Variants in SEC23B observed in about 807,000 individuals in gnomAD.
SEC23B encodes SEC23 homolog B, COPII component, also known as protein transport protein Sec23B.
A neutral mutation model predicts 104.3 loss-of-function variants in SEC23B; 77 were observed. The observed-to-expected ratio is 0.74, with a 90% CI of 0.61 to 0.89. The LOEUF (loss-of-function observed/expected upper bound fraction) is 0.89. Ranked by LOEUF, SEC23B falls within the 40% of genes least tolerant of loss-of-function variation. SEC23B has a pLI of 0.00. For missense variants in SEC23B, 885 were observed against 949.4 expected, an observed-to-expected ratio of 0.93 and a Z score of 0.89; for synonymous variants, 338 against 332.5, an observed-to-expected ratio of 1.02 and a Z score of -0.18.
At position 18,548,613 on chromosome 20, in the gene SEC23B, T is replaced by C. The variant is rs772839557; in HGVS notation, c.1748T>C (p.Met583Thr). The C allele has an allele frequency of 1.2e-6, 2 of 1,613,996 alleles. No individual in the cohort carries two copies. Among genetic ancestry groups the C allele is most frequent in the South Asian group, 2.2e-5 (2 of 91,076 alleles). ...TTCCGTTCTTTGTGAATGCAGTTTA[T>C]GTTCCATCTGAGAAGATCTCCATTT... Reference protein sequence around the residue: ...SDSFSLYPQFMFHLRRSPFLQ... With the variant: ...SDSFSLYPQFTFHLRRSPFLQ... The change falls in exon 16 of 20, where the codon ATG becomes ACG. Residue 583 changes from methionine (M) to threonine (T), a missense_variant. By Grantham distance (81) the Met-to-Thr change is moderately conservative (BLOSUM62 -1). Transcript: ENST00000650089.
chr20:18,552,090 G>A (rs2060391936), intron 17 of SEC23B, among the ~76,000 whole-genome samples: 1 of 152,102 alleles, frequency 6.6e-6, no homozygotes, highest in Non-Finnish European at 1.5e-5. Flanking sequence ...TGAAGATGAT[G>A]GTGATATTTA....
chr20:18,559,477 G>T (rs1489970825), intron 19 of SEC23B, among the ~76,000 whole-genome samples: 1 of 152,192 alleles, frequency 6.6e-6, no homozygotes, highest in African/African-American at 2.4e-5. Flanking sequence ...CCATCTTGGT[G>T]GGAGTATTAG....
chr20:18,549,701 T>C (rs895034770), intron 16 of SEC23B, among the ~76,000 whole-genome samples: 1 of 152,208 alleles, frequency 6.6e-6, no homozygotes, highest in Non-Finnish European at 1.5e-5. Flanking sequence ...TTAAAAATTT[T>C]CTTTATCGAG....
At chr20:18,523,119 G>A (rs150620886) in intron 4 of SEC23B, among the ~76,000 whole-genome samples, 3 of 151,846 alleles carry the variant, frequency 2.0e-5, no homozygotes, top group African/African-American at 7.2e-5. Flanking sequence ...AAACCCCACT[G>A]GAGAAAGTGG....
rs755605462 is a variant in SEC23B, at chr20:18,524,687, A to G, written c.603+18A>G. 9 of 1,594,712 alleles carry G rather than the reference A, an allele frequency of 5.6e-6. No individual in the cohort carries two copies. The South Asian group carries it at 9.9e-5, about 18-fold the overall frequency. Reference sequence around the variant, plus strand: ...AAATACAGGTTTGTACCTTACTTGTACAGGAGCAGAAACAAGGACTTTTTT... The same window carrying G: ...AAATACAGGTTTGTACCTTACTTGTGCAGGAGCAGAAACAAGGACTTTTTT... On this transcript the variant is annotated intron_variant, in intron 5 of 19. Coordinates refer to ENST00000650089, the MANE Select transcript of SEC23B (RefSeq NM_006363.6).
At chr20:18,522,776 G>T (rs143109237) in intron 4 of SEC23B, among the ~76,000 whole-genome samples, 2 of 152,110 alleles carry the variant, frequency 1.3e-5, no homozygotes, top group Non-Finnish European at 2.9e-5. Flanking sequence ...AAAACAAATC[G>T]GCCGGGCGTG....
At chr20:18,533,879 T>TGCTGATTTAAAA (rs1474949847) in intron 11 of SEC23B, among the ~76,000 whole-genome samples, 1 of 152,246 alleles carries the variant, frequency 6.6e-6, no homozygotes, top group Non-Finnish European at 1.5e-5. Flanking sequence ...ACTTAAAATC[T>TGCTGATTTAAAA]GCCTGCTGAA....
At chr20:18,559,080 T>A (rs6081212) in intron 19 of SEC23B, among the ~76,000 whole-genome samples, 2 of 121,334 alleles carry the variant, frequency 1.6e-5, no homozygotes, top group African/African-American at 3.2e-5. Context: ...AGGTGGTTGG[T>A]GGGGGGGGTG....
chr20:18,523,889 T>A (rs925275204), intron 4 of SEC23B, among the ~76,000 whole-genome samples: 4 of 151,894 alleles, frequency 2.6e-5, no homozygotes, highest in South Asian at 2.1e-4. Flanking sequence ...ATTTTTATAT[T>A]TTTTTTTGTT....
chr20:18,543,559 G>C (rs1257545841), intron 14 of SEC23B, among the ~76,000 whole-genome samples: 1 of 152,210 alleles, frequency 6.6e-6, no homozygotes, highest in African/African-American at 2.4e-5. Flanking sequence ...TTAATGAGAT[G>C]AGAGAAGTCA....
rs777858803 is a variant in SEC23B at position 18,511,059 on chromosome 20, A to G, written c.221+3A>G. ...AAAGCTGTTCTCAACCCACTTTGGTATGGATTCTTTTGAAACTGGTAAAAA... is the reference window on the plus strand; with the variant it reads ...AAAGCTGTTCTCAACCCACTTTGGTGTGGATTCTTTTGAAACTGGTAAAAA... On this transcript the variant is annotated splice_donor_region_variant and intron_variant, in intron 2 of 19. Coordinates refer to ENST00000650089, the MANE Select transcript of SEC23B (RefSeq NM_006363.6). 8.7e-6 allele frequency: 14 copies of G among 1,600,956 alleles called. No individual in the cohort carries two copies. The highest frequency in any genetic ancestry group is 3.3e-5 in the Admixed American group (2 of 59,972).
chr20:18,541,237 G>A (rs2060285274), intron 12 of SEC23B, among the ~76,000 whole-genome samples: 1 of 152,204 alleles, frequency 6.6e-6, no homozygotes, highest in Admixed American at 6.5e-5. Flanking sequence ...TTAGGCCCTG[G>A]CTTAAGGGAA....
At chr20:18,556,214 G>C (rs1305411788) in intron 19 of SEC23B, among the ~76,000 whole-genome samples, 3 of 152,118 alleles carry the variant, frequency 2.0e-5, no homozygotes, top group Non-Finnish European at 2.9e-5. Context: ...GTGTGGCCTG[G>C]TTCCTAACAG....
chr20:18,541,334 G>T (rs1001985741), intron 12 of SEC23B, among the ~76,000 whole-genome samples: 1 of 152,188 alleles, frequency 6.6e-6, no homozygotes, highest in African/African-American at 2.4e-5. Context: ...TATCATTCAC[G>T]TGTTCACTTT....
chr20:18,509,028 C>G (rs2148882580), intron 1 of SEC23B, among the ~76,000 whole-genome samples: 1 of 152,242 alleles, frequency 6.6e-6, no homozygotes, highest in Non-Finnish European at 1.5e-5. Context: ...GCCGCCAGTG[C>G]CTTTTAATAA....
intron 9 of SEC23B, among the ~76,000 whole-genome samples, chr20:18,529,476 A>G (rs2060163883): frequency 6.6e-6 from 1 of 152,202 alleles, no homozygotes; most frequent in African/African-American, 2.4e-5. Flanking sequence ...GAAAACCCAC[A>G]ATAAGTTTAT....
intron 19 of SEC23B, 105 bp downstream of exon 19, chr20:18,555,278 C>T: frequency 1.1e-6 from 1 of 931,302 alleles, no homozygotes; most frequent in Non-Finnish European, 1.7e-6. Flanking sequence ...GACAGAATAA[C>T]TGCGTAAGTT....
rs76576093 is a variant in SEC23B at position 18,547,910 on chromosome 20, G to A, written c.1744-699G>A. On this transcript the variant is annotated intron_variant, in intron 15 of 19. Coordinates refer to ENST00000650089, the MANE Select transcript of SEC23B (RefSeq NM_006363.6). ...CTGTGGAAGCTTTGACATACCCAGA[G>A]GCCCTTTTCTTAAAAAAATTTTGTA... Among the ~76,000 whole-genome samples the A allele has an allele frequency of 8.1e-3, 435 of 53,760 alleles. 15 individuals carry two copies. In the East Asian group the frequency reaches 0.11, roughly 13 times the overall value. The allele number at this position is 53,760 out of a possible 152,430, so 35.3% of individuals were successfully genotyped here.
At chr20:18,512,886 C>T (rs912949206) in intron 3 of SEC23B, among the ~76,000 whole-genome samples, 1 of 152,050 alleles carries the variant, frequency 6.6e-6, no homozygotes, top group Non-Finnish European at 1.5e-5. Flanking sequence ...CCCATCTCTA[C>T]TAAAAATACA....
Sources: allele counts gnomAD v4.1 joint callset (sites outside exome capture counted in the v4.1 genomes callset), GRCh38; gene constraint gnomAD v4.1.1; transcripts MANE v1.5; gene names NCBI Gene and HGNC (gene_info 2026-07-23, HGNC 2026-07-21).